Variants in KCTD7 observed in about 807,000 individuals in gnomAD.
KCTD7 encodes the protein BTB/POZ domain-containing protein KCTD7.
A neutral mutation model predicts 27.0 loss-of-function variants in KCTD7; 15 were observed. The ratio of observed to expected loss-of-function variants is 0.56; its 90% CI spans 0.37 to 0.86. KCTD7 has a LOEUF of 0.86. KCTD7 is among the 40% of genes least tolerant of loss of function. KCTD7 has a pLI of 0.00. For synonymous variants in KCTD7, 159 were observed against 162.7 expected, an observed-to-expected ratio of 0.98 and a Z score of 0.17; for missense variants, 299 against 398.9, an observed-to-expected ratio of 0.75 and a Z score of 2.13.
At position 66,640,840 on chromosome 7, in the gene KCTD7, TAAA is replaced by T; in HGVS notation, c.*1609_*1611del. The T allele has an allele frequency of 2.0e-6, 2 of 979,928 alleles. No individual in the cohort carries two copies. The highest frequency in any genetic ancestry group is 2.4e-6 in the Non-Finnish European group (2 of 824,654). 60.7% of individuals were successfully genotyped at this position (979,928 alleles called of 1,614,324 possible). ...TGGGCAACACCATCGTAAAAATAAA[TAAA>T]TAAATAAATAAATTGGGGAGGACAG... On this transcript the variant is annotated 3_prime_UTR_variant, in exon 4 of 4. Coordinates refer to ENST00000639828, the MANE Select transcript of KCTD7 (RefSeq NM_153033.5).
At chr7:66,634,489 C>T (rs970239886) in intron 2 of KCTD7, among the ~76,000 whole-genome samples, 19 of 152,106 alleles carry the variant, frequency 1.2e-4, no homozygotes, top group Non-Finnish European at 2.6e-4. Context: ...CTTCTCCCTT[C>T]AGCCTCCTGA....
intron 2 of KCTD7, among the ~76,000 whole-genome samples, chr7:66,634,116 A>ATG (rs941701911): frequency 9.8e-6 from 1 of 101,778 alleles, no homozygotes; most frequent in Non-Finnish European, 2.1e-5. Flanking sequence ...GTGTATACAT[A>ATG]TATATATATA....
In KCTD7 at chr7:66,630,228, C is replaced by G. The variant is rs544385322; in HGVS notation, c.144+1020C>G. On this transcript the variant is annotated intron_variant, in intron 1 of 3. Transcript: ENST00000639828. ...GCTGCAGTGAGCTGTAATTGTGCCA[C>G]TGTACTCCAGCCTGGGTGTGATAGA... Among the ~76,000 whole-genome samples, 6 of 152,232 alleles carry G rather than the reference C, an allele frequency of 3.9e-5. No homozygotes were observed. In the East Asian group the frequency reaches 1.2e-3, roughly 29 times the overall value.
chr7:66,632,712 C>T (rs1786479543), intron 1 of KCTD7, among the ~76,000 whole-genome samples: 1 of 151,968 alleles, frequency 6.6e-6, no homozygotes, highest in Middle Eastern at 3.4e-3. Flanking sequence ...AGCTCTAGAG[C>T]AGCGATAATG....
chr7:66,633,665 A>C (rs1470940506), intron 2 of KCTD7, among the ~76,000 whole-genome samples: 1 of 151,800 alleles, frequency 6.6e-6, no homozygotes, highest in Non-Finnish European at 1.5e-5. Context: ...TGGCTGGATG[A>C]AATTGCTTCA....
rs1456725188 is a variant in KCTD7, at chr7:66,638,289, A to G, written c.351A>G (p.Pro117=). The G allele has an allele frequency of 1.2e-6, 2 of 1,614,064 alleles. No homozygotes were observed. Among genetic ancestry groups the G allele is most frequent in the Admixed American group, 3.3e-5 (2 of 60,004 alleles). Residue 117 remains proline, a synonymous_variant, in exon 3 of 4, where the codon CCA becomes CCG. Transcript: ENST00000639828. ...ATTTCCTGCGCTCAGGGGACCTCCC[A>G]CCCAGGGAGCGTGTTCGAGCTGTGT... is the stretch of plus-strand genomic sequence containing the variant. ...VLNFLRSGDL[P]PRERVRAVYK... is the part of the protein sequence containing the mutation.
chr7:66,637,638 A>G lies in KCTD7; in HGVS notation c.315-615A>G, dbSNP rs62469071. ...AAAGAAGCCAGGTATGAAAGAGAAC[A>G]TACTATATAATTCTGTTTATATATA... is the stretch of plus-strand genomic sequence containing the variant. On this transcript the variant is annotated intron_variant, in intron 2 of 3. Transcript: ENST00000639828. Among the ~76,000 whole-genome samples the G allele has an allele frequency of 4.2e-3, 640 of 152,356 alleles. 3 individuals carry two copies. The highest frequency in any genetic ancestry group is 7.7e-3 in the Non-Finnish European group (527 of 68,036).
intron 1 of KCTD7, 108 bp from the exon 2 acceptor site, chr7:66,633,167 G>A: frequency 1.8e-6 from 2 of 1,126,678 alleles, no homozygotes; most frequent in South Asian, 2.6e-5. Flanking sequence ...GGGCTTGAGT[G>A]ACTGAATGAA....
chr7:66,642,417 G>C lies in KCTD7; in HGVS notation c.*3185G>C. On this transcript the variant is annotated 3_prime_UTR_variant, in exon 4 of 4. Transcript: ENST00000639828. ...GCTTATCAGGTGATATAATCTTCCT[G>C]TTCTGGGCTGCTTGCTGGAGGAATA... is the stretch of plus-strand genomic sequence containing the variant. 1.0e-6 allele frequency: 1 copy of C among 985,426 alleles called. No individual in the cohort carries two copies. The highest frequency in any genetic ancestry group is 1.2e-6 in the Non-Finnish European group (1 of 829,942). 61.0% of individuals were successfully genotyped at this position (985,426 alleles called of 1,614,324 possible).
chr7:66,642,491 C>T lies in KCTD7; in HGVS notation c.*3259C>T, dbSNP rs1162733549. On this transcript the variant is annotated 3_prime_UTR_variant, in exon 4 of 4. Transcript: ENST00000639828. The stretch of plus-strand genomic sequence containing the variant: ...GGCGGTGTGAGCATCCATGTGTGGT[C>T]TTGGTCTAAACCAGCTCTTGAACAG... 1.0e-6 allele frequency: 1 copy of T among 985,300 alleles called. No individual in the cohort carries two copies. The highest frequency in any genetic ancestry group is 1.7e-5 in the African/African-American group (1 of 57,236). 61.0% of individuals were successfully genotyped at this position (985,300 alleles called of 1,614,324 possible).
intron 1 of KCTD7, among the ~76,000 whole-genome samples, chr7:66,630,922 T>C (rs918375888): frequency 5.3e-5 from 8 of 152,338 alleles, no homozygotes; most frequent in African/African-American, 1.4e-4. Flanking sequence ...TGGATTGGTA[T>C]GAAGTATCTT....
Position 66,629,205 on chromosome 7 carries a change from G to T in KCTD7, c.141G>T (p.Gln47His). 7.1e-7 allele frequency: 1 copy of T among 1,409,962 alleles called. No homozygotes were observed. Among genetic ancestry groups the T allele is most frequent in the East Asian group, 3.0e-5 (1 of 33,838 alleles). The allele number at this position is 1,409,962 out of a possible 1,614,324, so 87.3% of individuals were successfully genotyped here. A position where few individuals can be genotyped will look rare whatever the true frequency, so the allele number is the denominator to read the frequency against. ...GGCACGCGCTGCCCCTGCTGCCACA[G>T]GAGGTACCCGGGCGGGCGGCGGGCC... ...QAGHALPLLP[Q>H]EFPEVVPLNI... The change falls in exon 1 of 4, where the codon CAG (glutamine) becomes CAT (histidine). Residue 47 changes from glutamine (Q) to histidine (H), a missense_variant. Gln to His is a conservative substitution (Grantham distance 24). Coordinates refer to ENST00000639828, the MANE Select transcript of KCTD7 (RefSeq NM_153033.5).
At chr7:66,633,894 C>T (rs757006683) in intron 2 of KCTD7, among the ~76,000 whole-genome samples, 16 of 151,558 alleles carry the variant, frequency 1.1e-4, no homozygotes, top group African/African-American at 1.5e-4. Flanking sequence ...AAGCTGAGGT[C>T]GAAGAATCGC....
At position 66,629,041 on chromosome 7, in the gene KCTD7, C is replaced by T. The variant is rs1554397227; in HGVS notation, c.-24C>T. ...CGCCGCCTCCGCCCGCCCGAAGCCG[C>T]GCCCACTGCCCAGAGCCAGAGGGAT... On this transcript the variant is annotated 5_prime_UTR_variant, in exon 1 of 4. Coordinates refer to ENST00000639828, the MANE Select transcript of KCTD7 (RefSeq NM_153033.5). The T allele has an allele frequency of 1.3e-6, 2 of 1,491,550 alleles. No individual in the cohort carries two copies. The highest frequency in any genetic ancestry group is 1.5e-5 in the African/African-American group (1 of 68,810). 92.4% of individuals were successfully genotyped at this position (1,491,550 alleles called of 1,614,324 possible).
In KCTD7 at chr7:66,629,101, C is replaced by G. The variant is rs766882316; in HGVS notation, c.37C>G (p.Arg13Gly). The change falls in exon 1 of 4, where the codon CGT becomes GGT. Residue 13 changes from arginine (R) to glycine (G), a missense_variant. Arg to Gly is a moderately radical substitution (Grantham distance 125, BLOSUM62 -2). Coordinates refer to ENST00000639828, the MANE Select transcript of KCTD7 (RefSeq NM_153033.5). ...VVTGREPDSR[R>G]QDGAMSSSDA... ...CACGGGGCGGGAGCCAGACAGCCGT[C>G]GTCAGGACGGTGCCATGTCCAGCTC... The G allele has an allele frequency of 6.5e-7, 1 of 1,538,698 alleles. No individual in the cohort carries two copies. Among genetic ancestry groups the G allele is most frequent in the Non-Finnish European group, 8.7e-7 (1 of 1,144,902 alleles).
intron 2 of KCTD7, among the ~76,000 whole-genome samples, chr7:66,634,832 A>T (rs1221729455): frequency 1.3e-5 from 2 of 152,018 alleles, no homozygotes; most frequent in Admixed American, 1.3e-4. Context: ...TAACACTAAA[A>T]TGTGGAAAAA....
chr7:66,642,986 G>A lies in KCTD7; in HGVS notation c.*3754G>A. 1 of 985,414 alleles carries A rather than the reference G, an allele frequency of 1.0e-6. No homozygotes were observed. Among genetic ancestry groups the A allele is most frequent in the South Asian group, 4.7e-5 (1 of 21,290 alleles). The allele number at this position is 985,414 out of a possible 1,614,324, so 61.0% of individuals were successfully genotyped here. The stretch of plus-strand genomic sequence containing the variant: ...CCTGTGTGAGTTCATGTACCTGTCT[G>A]TGAGTGCTTTGGTGTATTGAGCCTC... On this transcript the variant is annotated 3_prime_UTR_variant, in exon 4 of 4. Coordinates refer to ENST00000639828, the MANE Select transcript of KCTD7 (RefSeq NM_153033.5).
chr7:66,633,065 AAG>A (rs1389602196), intron 1 of KCTD7, among the ~76,000 whole-genome samples: 1 of 151,988 alleles, frequency 6.6e-6, no homozygotes, highest in Admixed American at 6.6e-5. Context: ...TCAAAAAAAA[AAG>A]AGCTATGAGG....
At position 66,640,191 on chromosome 7, in the gene KCTD7, C is replaced by T; in HGVS notation, c.*959C>T. ...AAACCCTGTTCCTCTGTCCTGGTAA[C>T]ATTCTCCTTCTAGGAGAGCCTCTCT... On this transcript the variant is annotated 3_prime_UTR_variant, in exon 4 of 4. Coordinates refer to ENST00000639828, the MANE Select transcript of KCTD7 (RefSeq NM_153033.5). 1 of 1,438,630 alleles carries T rather than the reference C, an allele frequency of 7.0e-7. No homozygotes were observed. The highest frequency in any genetic ancestry group is 9.1e-7 in the Non-Finnish European group (1 of 1,103,942). 89.1% of individuals were successfully genotyped at this position (1,438,630 alleles called of 1,614,324 possible). A position where few individuals can be genotyped will look rare whatever the true frequency, so the allele number is the denominator to read the frequency against.
Sources: allele counts gnomAD v4.1 joint callset (sites outside exome capture counted in the v4.1 genomes callset), GRCh38; gene constraint gnomAD v4.1.1; transcripts MANE v1.5; gene names NCBI Gene and HGNC (gene_info 2026-07-23, HGNC 2026-07-21).